Variants in DDX46 observed in about 807,000 individuals in gnomAD.
The protein encoded by DDX46 is DEAD-box helicase 46, also known as probable ATP-dependent RNA helicase DDX46.
DDX46 carries 30 observed loss-of-function variants against 134.9 expected under a neutral mutation model. That is an observed-to-expected ratio of 0.22 (90% CI 0.17 to 0.30). The LOEUF is 0.30. Among genes scored for constraint, DDX46 ranks in the 10% least tolerant of loss-of-function variants. The probability of loss-of-function intolerance (pLI) is 1.00; values close to 1 mark genes in which losing one functional copy is unlikely to be tolerated. For missense variants in DDX46, 622 were observed against 1,248.7 expected (o/e 0.50, Z 7.56); for synonymous variants, 415 against 404.1 (o/e 1.03, Z -0.32).
chr5:134,821,544 T>TC (rs1386565366), intron 21 of DDX46, among the ~76,000 whole-genome samples: 2 of 151,054 alleles, frequency 1.3e-5, no homozygotes, highest in African/African-American at 4.9e-5. Context: ...TTGTTTTTTT[T>TC]TTTTTTTGAG....
intron 21 of DDX46, among the ~76,000 whole-genome samples, chr5:134,824,364 G>A (rs1755533553): frequency 6.6e-6 from 1 of 152,150 alleles, no homozygotes; most frequent in African/African-American, 2.4e-5. Context: ...AGGCCGAAGC[G>A]GGCGGATCAC....
intron 1 of DDX46, among the ~76,000 whole-genome samples, 175 bp from the exon 2 acceptor site, chr5:134,763,729 T>C (rs1314335599): frequency 6.6e-6 from 1 of 152,214 alleles, no homozygotes; most frequent in African/African-American, 2.4e-5. Flanking sequence ...CACCTCTACA[T>C]GTGTCTGTGC....
Position 134,795,204 on chromosome 5 carries a change from G to GTTT in DDX46, c.1791+203_1791+205dup, listed in dbSNP as rs879550711. 2.0e-3 allele frequency among the ~76,000 whole-genome samples: 257 copies of GTTT among 125,666 alleles called. 10 individuals are homozygous for GTTT. The highest frequency in any genetic ancestry group is 7.2e-3 in the African/African-American group (237 of 33,090). The allele number at this position is 125,666 out of a possible 152,430, so 82.4% of individuals were successfully genotyped here. ...TTCCACGGAGCTATTTAAAATGCTT[G>GTTT]TTTTTTTTTTTTTTTGTTTTTTTTT... On this transcript the variant is annotated intron_variant, in intron 14 of 22. Coordinates refer to ENST00000452510, the MANE Select transcript of DDX46 (RefSeq NM_001300860.2).
intron 16 of DDX46, among the ~76,000 whole-genome samples, chr5:134,808,295 C>T (rs776476471): frequency 1.4e-4 from 22 of 152,150 alleles, no homozygotes; most frequent in Non-Finnish European, 2.4e-4. Context: ...ATATACCTGA[C>T]GTACTAAACA....
At chr5:134,793,827 G>A (rs1246668836) in intron 13 of DDX46, among the ~76,000 whole-genome samples, 1 of 152,134 alleles carries the variant, frequency 6.6e-6, no homozygotes, top group Non-Finnish European at 1.5e-5. Flanking sequence ...ATTGTTGTAG[G>A]CAGTCTGGCA....
At chr5:134,795,201 C>CT (rs1301651132) in intron 14 of DDX46, among the ~76,000 whole-genome samples, 187 bp downstream of exon 14, 5 of 138,080 alleles carry the variant, frequency 3.6e-5, no homozygotes, top group African/African-American at 1.5e-4. Flanking sequence ...ATTTAAAATG[C>CT]TTGTTTTTTT....
chr5:134,763,878 A>C lies in DDX46; in HGVS notation c.18-26A>C, dbSNP rs1441277908. On this transcript the variant is annotated intron_variant, in intron 1 of 22. Transcript: ENST00000452510. ...AATAGAAGCTAATGGTGTTTGCTGA[A>C]CTTAATCTTTGACTTATTGTTCTAG... is the stretch of plus-strand genomic sequence containing the variant. The C allele has an allele frequency of 2.5e-6, 4 of 1,593,048 alleles. No homozygotes were observed. In the Admixed American group the frequency reaches 7.1e-5, roughly 28 times the overall value.
intron 15 of DDX46, among the ~76,000 whole-genome samples, chr5:134,803,088 G>C (rs1020887124): frequency 6.6e-5 from 10 of 152,226 alleles, no homozygotes; most frequent in African/African-American, 1.9e-4. Flanking sequence ...CCATCTCCCA[G>C]GTTCAGGCGA....
intron 10 of DDX46, 52 bp downstream of exon 10, chr5:134,784,593 CAG>C (rs778648176): frequency 3.2e-5 from 49 of 1,512,446 alleles, no homozygotes; most frequent in Non-Finnish European, 4.1e-5. Context: ...TGTTGTCAAA[CAG>C]AAAGACCTTA....
chr5:134,818,425 G>A (rs1048896416), intron 20 of DDX46, among the ~76,000 whole-genome samples: 7 of 151,290 alleles, frequency 4.6e-5, no homozygotes, highest in East Asian at 2.0e-4. Context: ...CATAGGGCCC[G>A]GTGAGGTGGC....
chr5:134,793,580 T>G (rs1270985963), intron 13 of DDX46, among the ~76,000 whole-genome samples: 2 of 148,744 alleles, frequency 1.3e-5, no homozygotes, highest in Admixed American at 1.4e-4. Context: ...AATTTTTGTA[T>G]TTTTAGTAGA....
chr5:134,825,977 G>A (rs1383610532), intron 21 of DDX46: 1 of 151,876 alleles, frequency 6.6e-6, no homozygotes, highest in Non-Finnish European at 1.5e-5. Flanking sequence ...ATCTTAATTT[G>A]TTTCTCTTTT....
At chr5:134,768,192 C>T (rs1379141242) in intron 3 of DDX46, among the ~76,000 whole-genome samples, 1 of 151,538 alleles carries the variant, frequency 6.6e-6, no homozygotes, top group Non-Finnish European at 1.5e-5. Context: ...TCACTGCAAC[C>T]TTCGCCTCCC....
chr5:134,759,067 C>T, intron 1 of DDX46, 112 bp downstream of exon 1: 1 of 1,490,712 alleles, frequency 6.7e-7, no homozygotes, highest in Non-Finnish European at 9.0e-7. Flanking sequence ...CACGTGCGGT[C>T]AGCGCTGCCC....
chr5:134,770,269 G>A (rs1345894926), intron 3 of DDX46, among the ~76,000 whole-genome samples: 1 of 149,046 alleles, frequency 6.7e-6, no homozygotes, highest in East Asian at 2.0e-4. Context: ...TGAGTGCAGT[G>A]ATGGGATCAT....
At chr5:134,795,942 AT>A in intron 14 of DDX46, 45 bp from the exon 15 acceptor site, 1 of 1,562,434 alleles carries the variant, frequency 6.4e-7, no homozygotes. Context: ...CAGGGGATCC[AT>A]TTGCATTTTC....
At chr5:134,805,827 C>T (rs1740019826) in intron 15 of DDX46, among the ~76,000 whole-genome samples, 1 of 152,210 alleles carries the variant, frequency 6.6e-6, no homozygotes, top group East Asian at 1.9e-4. Context: ...GCCTTGCCCC[C>T]AGCCTCTCTG....
At chr5:134,827,249 C>A (rs1341417077) in intron 22 of DDX46, among the ~76,000 whole-genome samples, 3 of 151,898 alleles carry the variant, frequency 2.0e-5, no homozygotes, top group Admixed American at 2.0e-4. Flanking sequence ...CCCAACAAAA[C>A]CATACCTTGA....
chr5:134,799,757 A>C (rs1754772175), intron 15 of DDX46, among the ~76,000 whole-genome samples: 1 of 151,240 alleles, frequency 6.6e-6, no homozygotes, highest in African/African-American at 2.4e-5. Flanking sequence ...AAAAAAAAAA[A>C]CCCTAATCTG....
Sources: allele counts gnomAD v4.1 joint callset (sites outside exome capture counted in the v4.1 genomes callset), GRCh38; gene constraint gnomAD v4.1.1; transcripts MANE v1.5; gene names NCBI Gene and HGNC (gene_info 2026-07-23, HGNC 2026-07-21).